The following CADM2 variants were observed in gnomAD, a reference collection of about 807,000 sequenced individuals.
CADM2 encodes the protein immunoglobulin superfamily member 4D.
A neutral mutation model predicts 49.8 loss-of-function variants in CADM2; 12 were observed. That is an observed-to-expected ratio of 0.24 (90% CI 0.15 to 0.39). The LOEUF (loss-of-function observed/expected upper bound fraction) is 0.39. CADM2 is among the 10% of genes least tolerant of loss of function. The probability of loss-of-function intolerance (pLI) is 1.00; values close to 1 mark genes in which losing one functional copy is unlikely to be tolerated. For missense variants in CADM2, 378 were observed against 492.3 expected, an observed-to-expected ratio of 0.77 and a Z score of 2.20; for synonymous variants, 214 against 175.4, an observed-to-expected ratio of 1.22 and a Z score of -1.74.
At chr3:85,468,292 C>T (rs776477805) in intron 1 of CADM2, among the ~76,000 whole-genome samples, 14 of 151,904 alleles carry the variant, frequency 9.2e-5, no homozygotes, top group Non-Finnish European at 1.8e-4. Flanking sequence ...TTGCCTCCCC[C>T]GTAGAGAAGA....
intron 2 of CADM2, among the ~76,000 whole-genome samples, chr3:85,789,096 C>A (rs1307095315): frequency 6.6e-6 from 1 of 152,040 alleles, no homozygotes; most frequent in Admixed American, 6.6e-5. Flanking sequence ...TATGTCCCAC[C>A]CAGTCAATTG....
intron 6 of CADM2, among the ~76,000 whole-genome samples, chr3:85,927,691 A>C (rs1720050471): frequency 1.3e-5 from 2 of 152,208 alleles, no homozygotes; most frequent in South Asian, 4.1e-4. Context: ...TCACTACATT[A>C]TGCAATATAG....
intron 1 of CADM2, among the ~76,000 whole-genome samples, chr3:85,575,937 CT>C (rs1238658819): frequency 3.3e-5 from 5 of 152,180 alleles, no homozygotes; most frequent in African/African-American, 4.8e-5. Flanking sequence ...GCGCTCAAGA[CT>C]TCTCTAACCT....
At chr3:85,424,293 A>C (rs2036300427) in intron 1 of CADM2, among the ~76,000 whole-genome samples, 1 of 151,810 alleles carries the variant, frequency 6.6e-6, no homozygotes, top group Non-Finnish European at 1.5e-5. Flanking sequence ...ATATAGAGAT[A>C]GTAGATTTAA....
chr3:85,323,723 T>G (rs1206317107), intron 1 of CADM2, among the ~76,000 whole-genome samples: 1 of 152,174 alleles, frequency 6.6e-6, no homozygotes, highest in Non-Finnish European at 1.5e-5. Context: ...CTAGACTTAG[T>G]CTCCCTAAAT....
At chr3:86,054,664 G>A (rs1219340252) in intron 8 of CADM2, among the ~76,000 whole-genome samples, 1 of 151,432 alleles carries the variant, frequency 6.6e-6, no homozygotes, top group African/African-American at 2.4e-5. Flanking sequence ...TACTATTTTT[G>A]TTGTTTCCTC....
At chr3:85,453,242 G>A (rs1331865127) in intron 1 of CADM2, among the ~76,000 whole-genome samples, 2 of 151,986 alleles carry the variant, frequency 1.3e-5, no homozygotes, top group Non-Finnish European at 2.9e-5. Context: ...AAGTATATAT[G>A]TAGTGAAAAA....
chr3:85,305,476 T>G (rs1329325466), intron 1 of CADM2, among the ~76,000 whole-genome samples: 1 of 151,568 alleles, frequency 6.6e-6, no homozygotes, highest in Non-Finnish European at 1.5e-5. Context: ...AATTTCAAAG[T>G]TAGTAAATAG....
chr3:85,153,868 A>T (rs374534294), intron 1 of CADM2, among the ~76,000 whole-genome samples: 3 of 152,218 alleles, frequency 2.0e-5, no homozygotes, highest in Non-Finnish European at 4.4e-5. Context: ...ACAGACCTGC[A>T]GCTGAGGGTC....
chr3:85,398,029 A>G (rs535067670), intron 1 of CADM2, among the ~76,000 whole-genome samples: 2 of 151,822 alleles, frequency 1.3e-5, no homozygotes, highest in Non-Finnish European at 2.9e-5. Context: ...ATTATACTTT[A>G]AGTTCTAGGT....
intron 1 of CADM2, among the ~76,000 whole-genome samples, chr3:84,975,548 C>T (rs1029738975): frequency 6.6e-6 from 1 of 151,658 alleles, no homozygotes; most frequent in Non-Finnish European, 1.5e-5. Flanking sequence ...CAAATACCTC[C>T]TTGTAGAATT....
At chr3:85,698,737 C>A (rs1045129748) in intron 1 of CADM2, among the ~76,000 whole-genome samples, 1 of 152,164 alleles carries the variant, frequency 6.6e-6, no homozygotes. Context: ...ACCTTCAGCA[C>A]AGGGAATTAC....
At chr3:86,061,991 G>GGC (rs1553731929) in intron 8 of CADM2, among the ~76,000 whole-genome samples, 1 of 149,776 alleles carries the variant, frequency 6.7e-6, no homozygotes, top group Non-Finnish European at 1.5e-5. Context: ...GATGGTGGGG[G>GGC]GGGGGTTGAA....
At chr3:85,117,319 T>G (rs2038674907) in intron 1 of CADM2, among the ~76,000 whole-genome samples, 1 of 152,158 alleles carries the variant, frequency 6.6e-6, no homozygotes, top group Non-Finnish European at 1.5e-5. Context: ...TAAAGGATGC[T>G]GTAAAATATA....
intron 8 of CADM2, among the ~76,000 whole-genome samples, chr3:85,987,804 A>G (rs1728302125): frequency 6.6e-6 from 1 of 151,274 alleles, no homozygotes; most frequent in Admixed American, 6.6e-5. Context: ...TTCTATATTT[A>G]AGAAGCATAT....
chr3:85,576,375 C>A (rs1229946821), intron 1 of CADM2, among the ~76,000 whole-genome samples: 1 of 152,100 alleles, frequency 6.6e-6, no homozygotes, highest in Non-Finnish European at 1.5e-5. Flanking sequence ...GAACAAAGAA[C>A]ATCCGACGAT....
chr3:85,278,584 T>C (rs1452481451), intron 1 of CADM2, among the ~76,000 whole-genome samples: 1 of 151,430 alleles, frequency 6.6e-6, no homozygotes, highest in Non-Finnish European at 1.5e-5. Flanking sequence ...TATTTCTCTT[T>C]AGAGTGCTCT....
Position 85,543,878 on chromosome 3 carries a change from T to C in CADM2, c.62-182644T>C, listed in dbSNP as rs533896048. Among the ~76,000 whole-genome samples the C allele has an allele frequency of 2.6e-5, 4 of 152,280 alleles. No homozygotes were observed. In the East Asian group the frequency reaches 5.8e-4, roughly 22 times the overall value. The stretch of plus-strand genomic sequence containing the variant: ...TTCTCCACCTTTCAACACTGTCACA[T>C]AGGGGATTAAGTTTTCAACACTTGA... On this transcript the variant is annotated intron_variant, in intron 1 of 9. Transcript: ENST00000383699.
intron 1 of CADM2, among the ~76,000 whole-genome samples, chr3:85,442,053 G>A (rs1646477057): frequency 6.6e-6 from 1 of 151,994 alleles, no homozygotes; most frequent in South Asian, 2.1e-4. Context: ...TACAAAACCA[G>A]AGAAGACATG....
Sources: gnomAD v4.1 joint callset for allele counts (sites outside exome capture counted in the v4.1 genomes callset) on GRCh38, gnomAD v4.1.1 for gene constraint, MANE v1.5 for transcripts, NCBI Gene and HGNC (gene_info 2026-07-23, HGNC 2026-07-21) for gene names.